Variants in PIEZO2 observed in about 807,000 individuals in gnomAD.
PIEZO2 encodes piezo-type mechanosensitive ion channel component 2.
In PIEZO2, 172 loss-of-function variants were observed where a neutral mutation model predicts 337.3. That is an observed-to-expected ratio of 0.51 (90% CI 0.45 to 0.58). The LOEUF is 0.58. Ranked by LOEUF, PIEZO2 falls within the 20% of genes least tolerant of loss-of-function variation. PIEZO2 has a pLI of 0.00. For synonymous variants in PIEZO2, 1,251 were observed against 1,228.5 expected (o/e 1.02, Z -0.38); for missense variants, 3,028 against 3,391.3 (o/e 0.89, Z 2.66).
intron 1 of PIEZO2, among the ~76,000 whole-genome samples, chr18:11,113,831 A>C (rs745927739): frequency 6.6e-5 from 10 of 152,190 alleles, no homozygotes; most frequent in Non-Finnish European, 1.5e-4. Context: ...GAAGTGGAGG[A>C]TGTCCACCTT....
intron 2 of PIEZO2, among the ~76,000 whole-genome samples, chr18:10,983,315 G>A (rs2034741263): frequency 6.6e-6 from 1 of 151,946 alleles, no homozygotes; most frequent in Non-Finnish European, 1.5e-5. Flanking sequence ...CCCTACTGTG[G>A]AACAAAAAAC....
chr18:10,806,038 C>T (rs573180244), intron 8 of PIEZO2, among the ~76,000 whole-genome samples: 2 of 152,350 alleles, frequency 1.3e-5, no homozygotes, highest in East Asian at 1.9e-4. Flanking sequence ...TCTATGCTGG[C>T]CCCTAGGTTA....
At chr18:10,754,620 A>G (rs2037766266) in intron 27 of PIEZO2, among the ~76,000 whole-genome samples, 1 of 152,228 alleles carries the variant, frequency 6.6e-6, no homozygotes, top group Non-Finnish European at 1.5e-5. Flanking sequence ...AATAGTAAAT[A>G]TTGGGCTGGA....
At chr18:10,991,629 T>C (rs995534326) in intron 2 of PIEZO2, among the ~76,000 whole-genome samples, 7 of 152,218 alleles carry the variant, frequency 4.6e-5, no homozygotes, top group African/African-American at 7.2e-5. Flanking sequence ...CAGCCTATCA[T>C]TGATGGACGT....
chr18:10,787,152 T>C lies in PIEZO2; in HGVS notation c.2202A>G (p.Lys734=). 3 of 1,532,920 alleles carry C rather than the reference T, an allele frequency of 2.0e-6. No individual in the cohort carries two copies. Among genetic ancestry groups the C allele is most frequent in the Non-Finnish European group, 2.6e-6 (3 of 1,145,670 alleles). The allele number at this position is 1,532,920 out of a possible 1,614,324, so 95.0% of individuals were successfully genotyped here. ...AAATAACCACTGACATCCAAAAATA[T>C]TTTAGAATTTTCCTCCACCATTCAT... The part of the protein sequence containing the change: ...VHYEWWRKIL[K]YFWMSVVIYT... Residue 734 remains lysine, a synonymous_variant, in exon 16 of 56, where the codon AAA becomes AAG. Coordinates refer to ENST00000674853, the MANE Select transcript of PIEZO2 (RefSeq NM_001378183.1).
Position 10,702,159 on chromosome 18 carries a change from C to T in PIEZO2, c.6271G>A (p.Val2091Ile). 1 of 1,536,738 alleles carries T rather than the reference C, an allele frequency of 6.5e-7. No individual in the cohort carries two copies. The highest frequency in any genetic ancestry group is 1.2e-5 in the South Asian group (1 of 83,962). ...AACCCAAATTGGAAGAAATACTTGA[C>T]TACAATTGCCACCTACGCACAGATG... is the stretch of plus-strand genomic sequence containing the variant. Reference protein sequence around the residue: ...AIVYTEVAIVVKYFFQFGFFP... With the variant: ...AIVYTEVAIVIKYFFQFGFFP... Residue 2091 changes from valine (V) to isoleucine (I), a missense_variant, in exon 43 of 56, where the codon GTC becomes ATC. By Grantham distance (29) the Val-to-Ile change is conservative. Coordinates refer to ENST00000674853, the MANE Select transcript of PIEZO2 (RefSeq NM_001378183.1).
chr18:10,814,114 C>T (rs534083561), intron 7 of PIEZO2, among the ~76,000 whole-genome samples: 47 of 151,836 alleles, frequency 3.1e-4, no homozygotes, highest in South Asian at 6.3e-4. Flanking sequence ...ACTACAGGCG[C>T]CCACCACCAC....
intron 7 of PIEZO2, among the ~76,000 whole-genome samples, chr18:10,825,496 A>C (rs1199956087): frequency 6.7e-6 from 1 of 148,378 alleles, no homozygotes. Flanking sequence ...AGTGTTTGTC[A>C]GGTCTCTCCA....
In PIEZO2 at chr18:10,813,816, G is replaced by C. The variant is rs1010048677; in HGVS notation, c.918-6542C>G. Among the ~76,000 whole-genome samples, 2 of 152,062 alleles carry C rather than the reference G, an allele frequency of 1.3e-5. No homozygotes were observed. Among genetic ancestry groups the C allele is most frequent in the African/African-American group, 4.8e-5 (2 of 41,382 alleles). On this transcript the variant is annotated intron_variant, in intron 7 of 55. Coordinates refer to ENST00000674853, the MANE Select transcript of PIEZO2 (RefSeq NM_001378183.1). The surrounding 1 kb of genome is among the most constrained non-coding windows in gnomAD (Gnocchi z 4.2). The stretch of plus-strand genomic sequence containing the variant: ...AATAGAGAAACTGCTCCGGTTGTTT[G>C]AGGAACTGGTATACTGTTTTCCATC...
chr18:11,112,680 T>C lies in PIEZO2; in HGVS notation c.64+35845A>G, dbSNP rs2039770584. Reference sequence around the variant, plus strand: ...GCCAGATTAGGCACAGAAACAAACCTATATAACTTTCTGAAAATAATGCAA... The same window carrying C: ...GCCAGATTAGGCACAGAAACAAACCCATATAACTTTCTGAAAATAATGCAA... On this transcript the variant is annotated intron_variant, in intron 1 of 55. Coordinates refer to ENST00000674853, the MANE Select transcript of PIEZO2 (RefSeq NM_001378183.1). The surrounding 1 kb of genome is among the most constrained non-coding windows in gnomAD (Gnocchi z 4.3). 2.0e-5 allele frequency among the ~76,000 whole-genome samples: 3 copies of C among 152,218 alleles called. No homozygotes were observed. The highest frequency in any genetic ancestry group is 4.4e-5 in the Non-Finnish European group (3 of 68,034).
In PIEZO2 at chr18:11,139,581, G is replaced by A. The variant is rs143067320; in HGVS notation, c.64+8944C>T. On this transcript the variant is annotated intron_variant, in intron 1 of 55. Transcript: ENST00000674853. Reference sequence around the variant, plus strand: ...AATGTCCATCCCATCCCACCTAGACGATGGGAGCAAATAAGCTATTTGACC... The same window carrying A: ...AATGTCCATCCCATCCCACCTAGACAATGGGAGCAAATAAGCTATTTGACC... Among the ~76,000 whole-genome samples, 273 of 152,030 alleles carry A rather than the reference G, an allele frequency of 1.8e-3. 1 individual carries two copies. In the East Asian group the frequency reaches 0.023, roughly 13 times the overall value.
intron 2 of PIEZO2, among the ~76,000 whole-genome samples, chr18:10,992,586 T>C (rs2035152129): frequency 6.6e-6 from 1 of 152,226 alleles, no homozygotes; most frequent in Non-Finnish European, 1.5e-5. Flanking sequence ...TATTGGTCTA[T>C]ATCTCTGTTT....
chr18:10,853,643 G>C lies in PIEZO2; in HGVS notation c.917+1710C>G, dbSNP rs899738075. On this transcript the variant is annotated intron_variant, in intron 7 of 55. Transcript: ENST00000674853. The surrounding 1 kb of genome is among the most constrained non-coding windows in gnomAD (Gnocchi z 4.2). ...CTCATGCAAAGAAAAGTTCAAATAG[G>C]ACAGTGGATAACCCTATACTGATCA... 1.3e-5 allele frequency among the ~76,000 whole-genome samples: 2 copies of C among 152,120 alleles called. No homozygotes were observed. The highest frequency in any genetic ancestry group is 2.9e-5 in the Non-Finnish European group (2 of 68,018).
chr18:10,715,728 GT>G lies in PIEZO2; in HGVS notation c.5177del (p.Asn1726ThrfsTer14). On this transcript the variant is annotated frameshift_variant, in exon 38 of 56. Transcript: ENST00000674853. LOFTEE classifies it high-confidence loss of function. ...TATCAATATGCTCCCTTGAAATGGAGTTAAGCCAAGTAGTGAAACTGTCCAC... is the reference window on the plus strand; with the variant it reads ...TATCAATATGCTCCCTTGAAATGGAGTAAGCCAAGTAGTGAAACTGTCCAC... ...ATVDSFTTWL[N>X]SISREHIDIS... 1 of 1,536,232 alleles carries G rather than the reference GT, an allele frequency of 6.5e-7. No homozygotes were observed.
At position 11,020,322 on chromosome 18, in the gene PIEZO2, C is replaced by T. The variant is rs116333787; in HGVS notation, c.161-40662G>A. Reference sequence around the variant, plus strand: ...CTATCCTAGCTCAAAGCCTCTGATGCTCTTGCTGATTCCACAGTCTTCACA... The same window carrying T: ...CTATCCTAGCTCAAAGCCTCTGATGTTCTTGCTGATTCCACAGTCTTCACA... On this transcript the variant is annotated intron_variant, in intron 2 of 55. Coordinates refer to ENST00000674853, the MANE Select transcript of PIEZO2 (RefSeq NM_001378183.1). 2.2e-3 allele frequency among the ~76,000 whole-genome samples: 336 copies of T among 152,288 alleles called. 3 individuals carry two copies. The highest frequency in any genetic ancestry group is 6.1e-3 in the African/African-American group (253 of 41,582).
rs1294949013 is a variant in PIEZO2 at position 10,847,299 on chromosome 18, G to A, written c.917+8054C>T. 1.3e-5 allele frequency among the ~76,000 whole-genome samples: 2 copies of A among 152,224 alleles called. No homozygotes were observed. The highest frequency in any genetic ancestry group is 1.9e-4 in the East Asian group (1 of 5,200). ...CCCTTTAGAATGAGTCACTGAGTCT[G>A]GCTAACTGTGGGGAATTCTAGGTGC... On this transcript the variant is annotated intron_variant, in intron 7 of 55. Transcript: ENST00000674853. The surrounding 1 kb of genome is among the most constrained non-coding windows in gnomAD (Gnocchi z 5.7).
intron 3 of PIEZO2, among the ~76,000 whole-genome samples, chr18:10,914,850 C>A (rs1216802996): frequency 6.6e-6 from 1 of 152,178 alleles, no homozygotes; most frequent in Admixed American, 6.5e-5. Flanking sequence ...GACTAAATTG[C>A]ATTCAGCTGC....
Position 10,750,251 on chromosome 18 carries a change from T to C in PIEZO2, c.4168-64A>G. 6.8e-6 allele frequency: 8 copies of C among 1,174,554 alleles called. No homozygotes were observed. The highest frequency in any genetic ancestry group is 3.9e-5 in the South Asian group (3 of 76,444). The allele number at this position is 1,174,554 out of a possible 1,614,324, so 72.8% of individuals were successfully genotyped here. A position where few individuals can be genotyped will look rare whatever the true frequency, so the allele number is the denominator to read the frequency against. On this transcript the variant is annotated intron_variant, in intron 28 of 55. Coordinates refer to ENST00000674853, the MANE Select transcript of PIEZO2 (RefSeq NM_001378183.1). This position sits in a 1 kb window ranked among gnomAD's most constrained non-coding sequence, Gnocchi z 4.1. Reference sequence around the variant, plus strand: ...AGCCAGAAAAAAAAGTGGTGTTTTATGATCCCAACATGTGCAAGAATTCAC... The same window carrying C: ...AGCCAGAAAAAAAAGTGGTGTTTTACGATCCCAACATGTGCAAGAATTCAC...
chr18:11,058,112 G>T (rs2037796682), intron 2 of PIEZO2, among the ~76,000 whole-genome samples: 1 of 152,188 alleles, frequency 6.6e-6, no homozygotes. Flanking sequence ...TTATGTTTAA[G>T]ACTGCCCCAA....
Sources: allele counts gnomAD v4.1 joint callset (sites outside exome capture counted in the v4.1 genomes callset), GRCh38; gene constraint gnomAD v4.1.1; non-coding constraint Gnocchi (gnomAD v3.1); transcripts MANE v1.5; gene names NCBI Gene and HGNC (gene_info 2026-07-23, HGNC 2026-07-21).